Variants in HSPA9 observed in about 807,000 individuals in gnomAD.
The protein encoded by HSPA9 is heat shock protein family A (Hsp70) member 9, also known as stress-70 protein, mitochondrial.
Under a neutral mutation model 81.5 loss-of-function variants are expected in HSPA9, and 28 were observed. The ratio of observed to expected loss-of-function variants is 0.34; its 90% CI spans 0.25 to 0.47. The LOEUF (loss-of-function observed/expected upper bound fraction) is 0.47, where lower values mean the gene tolerates loss of function less well. Among genes scored for constraint, HSPA9 ranks in the 20% least tolerant of loss-of-function variants. The probability of loss-of-function intolerance (pLI) is 1.00; values close to 1 mark genes in which losing one functional copy is unlikely to be tolerated. For synonymous variants in HSPA9, 293 were observed against 290.4 expected, an observed-to-expected ratio of 1.01 and a Z score of -0.09; for missense variants, 678 against 838.0, an observed-to-expected ratio of 0.81 and a Z score of 2.36.
chr5:138,573,730 C>A (rs1273531635), intron 3 of HSPA9, 33 bp downstream of exon 3: 2 of 1,219,402 alleles, frequency 1.6e-6, no homozygotes, highest in East Asian at 2.6e-5. Context: ...TGGACAGATT[C>A]TGGATAAGGT....
At chr5:138,572,860 T>C (rs977849707) in intron 3 of HSPA9, among the ~76,000 whole-genome samples, 3 of 152,026 alleles carry the variant, frequency 2.0e-5, no homozygotes, top group Admixed American at 6.6e-5. Flanking sequence ...AAGATTCTTG[T>C]CCCAACATTG....
chr5:138,573,947 C>T (rs1751016848), intron 2 of HSPA9, 97 bp from the exon 3 acceptor site: 2 of 1,241,024 alleles, frequency 1.6e-6, no homozygotes, highest in Non-Finnish European at 2.4e-6. Context: ...CAGTGGTATA[C>T]TACATAATCT....
intron 7 of HSPA9, 73 bp downstream of exon 7, chr5:138,567,382 G>T (rs1750789312): frequency 1.7e-6 from 2 of 1,204,144 alleles, no homozygotes; most frequent in Non-Finnish European, 2.5e-6. Flanking sequence ...ACTGTAAAAG[G>T]CTCAATTACT....
intron 11 of HSPA9, chr5:138,559,087 GT>G (rs1413479439): frequency 2.0e-5 from 4 of 198,236 alleles, no homozygotes; most frequent in African/African-American, 2.4e-5. Context: ...ACAAGATTGG[GT>G]AAGTCAGGAA....
At chr5:138,574,287 G>A (rs41294562) in intron 1 of HSPA9, 161 bp from the exon 2 acceptor site, 43 of 666,142 alleles carry the variant, frequency 6.5e-5, no homozygotes, top group East Asian at 4.6e-4. Flanking sequence ...AATAAAAGAT[G>A]GCCTTAGAAT....
intron 4 of HSPA9, among the ~76,000 whole-genome samples, chr5:138,570,433 G>A (rs1750855467): frequency 6.6e-6 from 1 of 152,170 alleles, no homozygotes; most frequent in South Asian, 2.1e-4. Flanking sequence ...GGAATGCTTT[G>A]CAAATTTTCA....
chr5:138,575,134 T>C lies in HSPA9; in HGVS notation c.81+104A>G, dbSNP rs766037938. 5.2e-5 allele frequency: 40 copies of C among 768,676 alleles called. No individual in the cohort carries two copies. The South Asian group carries it at 5.9e-4, about 11-fold the overall frequency. 47.6% of individuals were successfully genotyped at this position (768,676 alleles called of 1,614,324 possible). A position where few individuals can be genotyped will look rare whatever the true frequency, so the allele number is the denominator to read the frequency against. ...GTTACCTTCCTTCCCGCCTGACCTATACTGGAGAATTCAAACCCTAAAGGG... is the reference window on the plus strand; with the variant it reads ...GTTACCTTCCTTCCCGCCTGACCTACACTGGAGAATTCAAACCCTAAAGGG... On this transcript the variant is annotated intron_variant, in intron 1 of 16. Coordinates refer to ENST00000297185, the MANE Select transcript of HSPA9 (RefSeq NM_004134.7).
At chr5:138,561,925 T>G in intron 9 of HSPA9, 136 bp from the exon 10 acceptor site, 1 of 737,182 alleles carries the variant, frequency 1.4e-6, no homozygotes, top group Admixed American at 2.0e-5. Flanking sequence ...CTAATTTAAA[T>G]GAATAGTCAC....
In HSPA9 at chr5:138,567,567, G is replaced by A. The variant is rs772694699; in HGVS notation, c.610-6C>T. ...TGGCCAGCATCTTTAGTGGCCTAGAGAAAACAAAGAGAAAAACATTTTTGT... is the reference window on the plus strand; with the variant it reads ...TGGCCAGCATCTTTAGTGGCCTAGAAAAAACAAAGAGAAAAACATTTTTGT... On this transcript the variant is annotated splice_region_variant and splice_polypyrimidine_tract_variant and intron_variant, in intron 6 of 16. Coordinates refer to ENST00000297185, the MANE Select transcript of HSPA9 (RefSeq NM_004134.7). 6.2e-7 allele frequency: 1 copy of A among 1,612,926 alleles called. No homozygotes were observed. Among genetic ancestry groups the A allele is most frequent in the African/African-American group, 1.3e-5 (1 of 74,914 alleles).
chr5:138,559,295 G>A lies in HSPA9; in HGVS notation c.1410+569C>T, dbSNP rs551256916. 1.6e-3 allele frequency among the ~76,000 whole-genome samples: 243 copies of A among 152,082 alleles called. 2 individuals are homozygous for A. The highest frequency in any genetic ancestry group is 5.4e-3 in the African/African-American group (225 of 41,480). On this transcript the variant is annotated intron_variant, in intron 11 of 16. Coordinates refer to ENST00000297185, the MANE Select transcript of HSPA9 (RefSeq NM_004134.7). ...TAATTTAACTTTTTGGAGAGAGGGA[G>A]CTTCACCATGTTACCCAGGCTGGTC...
chr5:138,571,284 G>T (rs1187673459), intron 3 of HSPA9, 143 bp from the exon 4 acceptor site: 12 of 805,838 alleles, frequency 1.5e-5, no homozygotes, highest in Non-Finnish European at 2.3e-5. Flanking sequence ...GGGTTCAAGC[G>T]ATTCTTCTGT....
Position 138,555,272 on chromosome 5 carries a change from A to G in HSPA9, c.*765T>C, listed in dbSNP as rs1334067442. The G allele has an allele frequency of 6.6e-6, 1 of 152,148 alleles. No individual in the cohort carries two copies. The highest frequency in any genetic ancestry group is 1.5e-5 in the Non-Finnish European group (1 of 68,014). The allele number at this position is 152,148 out of a possible 1,614,324, so 9.4% of individuals were successfully genotyped here. A position where few individuals can be genotyped will look rare whatever the true frequency, so the allele number is the denominator to read the frequency against. Reference sequence around the variant, plus strand: ...ATTTCCCTCTTTGGGAAATATGGGAAGCATGAGCCATGGCATATTCTTGAA... The same window carrying G: ...ATTTCCCTCTTTGGGAAATATGGGAGGCATGAGCCATGGCATATTCTTGAA... On this transcript the variant is annotated 3_prime_UTR_variant, in exon 17 of 17. Transcript: ENST00000297185.
intron 14 of HSPA9, 85 bp downstream of exon 14, chr5:138,557,317 G>GT: frequency 1.1e-6 from 1 of 908,666 alleles, no homozygotes; most frequent in South Asian, 1.4e-5. Context: ...GATTACAGGA[G>GT]TGAGACACTG....
rs1022759694 is a variant in HSPA9, at chr5:138,554,672, A to C, written c.*1365T>G. Among the ~76,000 whole-genome samples the C allele has an allele frequency of 3.9e-5, 6 of 152,268 alleles. No individual in the cohort carries two copies. Among genetic ancestry groups the C allele is most frequent in the African/African-American group, 1.4e-4 (6 of 41,468 alleles). On this transcript the variant is annotated 3_prime_UTR_variant, in exon 17 of 17. Coordinates refer to ENST00000297185, the MANE Select transcript of HSPA9 (RefSeq NM_004134.7). ...AGGAGCCATTGTGTCTGATATTCTA[A>C]GCCCATCTTGATAACAGACTCTTTT... is the stretch of plus-strand genomic sequence containing the variant.
chr5:138,567,190 G>C (rs1177656203), intron 7 of HSPA9, 27 bp from the exon 8 acceptor site: 2 of 1,516,042 alleles, frequency 1.3e-6, no homozygotes, highest in Non-Finnish European at 1.8e-6. Flanking sequence ...AAAAAAAAAA[G>C]AAAAGAAATC....
At position 138,566,877 on chromosome 5, in the gene HSPA9, GAA is replaced by G. The variant is rs147421569; in HGVS notation, c.879+122_879+123del. 2.8e-3 allele frequency: 3,391 copies of G among 1,191,070 alleles called. 95 individuals carry two copies. In the African/African-American group the frequency reaches 0.046, roughly 16 times the overall value. 73.8% of individuals were successfully genotyped at this position (1,191,070 alleles called of 1,614,324 possible). A position where few individuals can be genotyped will look rare whatever the true frequency, so the allele number is the denominator to read the frequency against. ...AATGTGTAGGGAAAAAAAATATTCTGAAAAGAGTATCTGTGTCTAGAATAAGG... is the reference window on the plus strand; with the variant it reads ...AATGTGTAGGGAAAAAAAATATTCTGAAGAGTATCTGTGTCTAGAATAAGG... On this transcript the variant is annotated intron_variant, in intron 8 of 16. Coordinates refer to ENST00000297185, the MANE Select transcript of HSPA9 (RefSeq NM_004134.7).
chr5:138,559,694 C>A (rs1750611102), intron 11 of HSPA9, 170 bp downstream of exon 11: 1 of 631,734 alleles, frequency 1.6e-6, no homozygotes, highest in Admixed American at 2.8e-5. Context: ...AACAAAAAAA[C>A]AAAAAACAAA....
rs2127150996 is a variant in HSPA9 at position 138,553,784 on chromosome 5, T to C, written c.*2253A>G. On this transcript the variant is annotated 3_prime_UTR_variant, in exon 17 of 17. Transcript: ENST00000297185. ...TTGCCTTTTGTGATAGTTAATTTTA[T>C]GTGTCAGTTTAGCCATTGATGCCAT... Among the ~76,000 whole-genome samples the C allele has an allele frequency of 6.6e-6, 1 of 152,340 alleles. No homozygotes were observed. Among genetic ancestry groups the C allele is most frequent in the South Asian group, 2.1e-4 (1 of 4,816 alleles).
At chr5:138,566,234 A>G (rs1474711550) in intron 9 of HSPA9, among the ~76,000 whole-genome samples, 1 of 149,932 alleles carries the variant, frequency 6.7e-6, no homozygotes, top group Non-Finnish European at 1.5e-5. Flanking sequence ...AGACTCTCCA[A>G]TTCACAAGGA....
Sources: allele counts gnomAD v4.1 joint callset (sites outside exome capture counted in the v4.1 genomes callset), GRCh38; gene constraint gnomAD v4.1.1; transcripts MANE v1.5; gene names NCBI Gene and HGNC (gene_info 2026-07-23, HGNC 2026-07-21).